LETM1: variants seen among roughly 807,000 people sequenced by gnomAD.
LETM1 encodes leucine zipper and EF-hand containing transmembrane protein 1, also known as mitochondrial proton/calcium exchanger protein.
A neutral mutation model predicts 74.5 loss-of-function variants in LETM1; 50 were observed. The observed-to-expected ratio is 0.67, with a 90% CI of 0.53 to 0.85. The LOEUF (loss-of-function observed/expected upper bound fraction) is 0.85. Among genes scored for constraint, LETM1 ranks in the 40% least tolerant of loss-of-function variants. The pLI is 0.00. For missense variants in LETM1, 824 were observed against 967.8 expected (o/e 0.85, Z 1.97); for synonymous variants, 446 against 407.1 (o/e 1.10, Z -1.15).
At position 1,832,863 on chromosome 4, in the gene LETM1, G is replaced by A; in HGVS notation, c.961C>T (p.Leu321=). ...LFEDELTLDN[L]TRPQLVALCK... ...AGGGCCACCAGCTGCGGCCGTGTCA[G>A]GTTGTCCAGGGTCAGCTCATCCTCA... The change falls in exon 6 of 14, where the codon CTG becomes TTG. Residue 321 remains leucine (L), a synonymous_variant. Coordinates refer to ENST00000302787, the MANE Select transcript of LETM1 (RefSeq NM_012318.3). The A allele has an allele frequency of 1.9e-6, 3 of 1,613,872 alleles. No homozygotes were observed. Among genetic ancestry groups the A allele is most frequent in the Non-Finnish European group, 1.7e-6 (2 of 1,180,028 alleles).
intron 13 of LETM1, among the ~76,000 whole-genome samples, chr4:1,815,423 G>A (rs557599046): frequency 1.3e-4 from 20 of 152,336 alleles, no homozygotes; most frequent in Admixed American, 3.9e-4. Context: ...CCAGGGACAT[G>A]CGTAGCCACT....
rs770965719 is a variant in LETM1 at position 1,841,761 on chromosome 4, A to G, written c.180T>C (p.Pro60=). 7 of 1,613,914 alleles carry G rather than the reference A, an allele frequency of 4.3e-6. No individual in the cohort carries two copies. The highest frequency in any genetic ancestry group is 5.9e-6 in the Non-Finnish European group (7 of 1,180,002). Residue 60 remains proline (P), a synonymous_variant, in exon 3 of 14, where the codon CCT becomes CCC. Coordinates refer to ENST00000302787, the MANE Select transcript of LETM1 (RefSeq NM_012318.3). ...VPFGCCTPIH[P]VYTSSRGDHL... ...GATCGCCTCTGGAGGATGTGTACAC[A>G]GGGTGGATGGGAGTGCAGCAGCCAA...
At chr4:1,833,206 G>T in intron 5 of LETM1, 1 of 474,808 alleles carries the variant, frequency 2.1e-6, no homozygotes, top group South Asian at 2.3e-5. Context: ...CGAGTAGCTG[G>T]GATTACAGGC....
At chr4:1,842,797 T>G (rs1469512888) in intron 2 of LETM1, among the ~76,000 whole-genome samples, 14 of 152,210 alleles carry the variant, frequency 9.2e-5, no homozygotes, top group Non-Finnish European at 1.5e-5. Flanking sequence ...GCATAGACCA[T>G]GCCTGGCCCA....
At chr4:1,844,601 C>A (rs1215337778) in intron 2 of LETM1, among the ~76,000 whole-genome samples, 2 of 152,042 alleles carry the variant, frequency 1.3e-5, no homozygotes, top group Non-Finnish European at 2.9e-5. Context: ...CGTGGTGGCA[C>A]ACACCTGTAA....
Position 1,855,869 on chromosome 4 carries a change from C to G in LETM1, c.82G>C (p.Gly28Arg), listed in dbSNP as rs1037067624. Reference protein sequence around the residue: ...PPPPRYTVPRGSPGDPAHLSC... With the variant: ...PPPPRYTVPRRSPGDPAHLSC... The stretch of plus-strand genomic sequence containing the variant: ...CCGCCCTGGGGTGCCCGCCGCTTAC[C>G]CCGCGGGACGGTGTACCGAGGCGGC... The change falls in exon 1 of 14, where the codon GGT becomes CGT. Residue 28 changes from glycine to arginine, a missense_variant and splice_region_variant. By Grantham distance (125) the Gly-to-Arg change is moderately radical. Coordinates refer to ENST00000302787, the MANE Select transcript of LETM1 (RefSeq NM_012318.3). 5.7e-6 allele frequency: 7 copies of G among 1,231,024 alleles called. No individual in the cohort carries two copies. In the African/African-American group the frequency reaches 1.1e-4, roughly 19 times the overall value. 76.3% of individuals were successfully genotyped at this position (1,231,024 alleles called of 1,614,324 possible). A position where few individuals can be genotyped will look rare whatever the true frequency, so the allele number is the denominator to read the frequency against.
chr4:1,836,531 G>T lies in LETM1; in HGVS notation c.636C>A (p.Phe212Leu), dbSNP rs754324475. Residue 212 changes from phenylalanine (F) to leucine (L), a missense_variant, in exon 4 of 14, where the codon TTC becomes TTA. By Grantham distance (22) the Phe-to-Leu change is conservative (BLOSUM62 0). Coordinates refer to ENST00000302787, the MANE Select transcript of LETM1 (RefSeq NM_012318.3). The surrounding 1 kb of genome is among the most constrained non-coding windows in gnomAD (Gnocchi z 5.8). ...TGAACGGCACCACCACGAACACAAG[G>T]AACGGCACCAGGCGGAAGAGGTCAG... The part of the protein sequence containing the change: ...ICADLFRLVP[F>L]LVFVVVPFME... 1 of 1,614,036 alleles carries T rather than the reference G, an allele frequency of 6.2e-7. No homozygotes were observed. The highest frequency in any genetic ancestry group is 8.5e-7 in the Non-Finnish European group (1 of 1,180,034).
chr4:1,819,592 C>T (rs1711700397), intron 10 of LETM1, 120 bp from the exon 11 acceptor site: 6 of 1,163,476 alleles, frequency 5.2e-6, no homozygotes, highest in Non-Finnish European at 7.2e-6. Flanking sequence ...TCTCACTGGA[C>T]AGTCATTGGT....
chr4:1,822,807 T>C, intron 9 of LETM1, 181 bp downstream of exon 9: 1 of 481,912 alleles, frequency 2.1e-6, no homozygotes, highest in East Asian at 3.5e-5. Flanking sequence ...AGTCCCCATG[T>C]CAGAGTTGCA....
chr4:1,847,354 A>G (rs2108855367), intron 2 of LETM1, among the ~76,000 whole-genome samples: 1 of 152,136 alleles, frequency 6.6e-6, no homozygotes, highest in East Asian at 1.9e-4. Flanking sequence ...CAAAAAAAAA[A>G]AAAAAAGTAA....
chr4:1,853,109 C>T (rs1713119944), intron 1 of LETM1, among the ~76,000 whole-genome samples: 1 of 152,170 alleles, frequency 6.6e-6, no homozygotes, highest in South Asian at 2.1e-4. Flanking sequence ...CAACTAGCGC[C>T]CCTCCTCATT....
At position 1,819,433 on chromosome 4, in the gene LETM1, C is replaced by T. The variant is rs888811138; in HGVS notation, c.1648G>A (p.Asp550Asn). 14 of 1,613,462 alleles carry T rather than the reference C, an allele frequency of 8.7e-6. No homozygotes were observed. Among genetic ancestry groups the T allele is most frequent in the African/African-American group, 5.3e-5 (4 of 74,866 alleles). Residue 550 changes from aspartate to asparagine, a missense_variant, in exon 11 of 14, where the codon GAT becomes AAT. Around this residue, in one of 4 missense-constraint regions of LETM1, gnomAD observed 161 missense variants for 252.7 expected, o/e 0.64. Transcript: ENST00000302787. ...TGCTCCTGCAGCTTAGAGCAGGCAT[C>T]GCTGAGGATGTCGATTTCCTCCTTC... is the stretch of plus-strand genomic sequence containing the variant. The part of the protein sequence containing the change: ...ITKEEIDILS[D>N]ACSKLQEQKK...
intron 1 of LETM1, among the ~76,000 whole-genome samples, chr4:1,849,842 C>T (rs1430579046): frequency 6.6e-6 from 1 of 152,204 alleles, no homozygotes; most frequent in Non-Finnish European, 1.5e-5. Flanking sequence ...GCCACCACTC[C>T]CAGCCTGAAA....
intron 5 of LETM1, 79 bp from the exon 6 acceptor site, chr4:1,833,026 G>A: frequency 9.3e-6 from 12 of 1,294,832 alleles, no homozygotes; most frequent in South Asian, 2.4e-5. Flanking sequence ...CATTCCCAAA[G>A]GGTGCTGCCT....
At chr4:1,847,602 C>G (rs1248429806) in intron 2 of LETM1, among the ~76,000 whole-genome samples, 2 of 151,658 alleles carry the variant, frequency 1.3e-5, no homozygotes, top group African/African-American at 4.9e-5. Flanking sequence ...GGTGGATCAT[C>G]TGAGGTCAGG....
At chr4:1,818,640 GA>G (rs553905658) in intron 11 of LETM1, among the ~76,000 whole-genome samples, 4 of 150,190 alleles carry the variant, frequency 2.7e-5, no homozygotes, top group East Asian at 2.0e-4. Flanking sequence ...AAGAAAGAAA[GA>G]AAAAAAATCG....
chr4:1,840,384 A>G (rs1712644426), intron 3 of LETM1, among the ~76,000 whole-genome samples: 1 of 151,246 alleles, frequency 6.6e-6, no homozygotes, highest in Admixed American at 6.6e-5. Flanking sequence ...CTCAAAAAAT[A>G]AGGTTGGGCG....
rs2108847655 is a variant in LETM1, at chr4:1,834,880, T to C, written c.841A>G (p.Ser281Gly). 1 of 1,614,206 alleles carries C rather than the reference T, an allele frequency of 6.2e-7. No individual in the cohort carries two copies. Among genetic ancestry groups the C allele is most frequent in the South Asian group, 1.1e-5 (1 of 91,084 alleles). Residue 281 changes from serine to glycine, a missense_variant, in exon 5 of 14, where the codon AGC becomes GGC. Transcript: ENST00000302787. The surrounding 1 kb of genome is among the most constrained non-coding windows in gnomAD (Gnocchi z 5.0). ...AACACAGAGAAGTCTTTGGTGGCGC[T>C]GCCCTTGGCTGCCTTGTTCTTCAAG... The part of the protein sequence containing the change: ...MALKNKAAKG[S>G]ATKDFSVFFQ...
chr4:1,819,408 T>A lies in LETM1; in HGVS notation c.1673A>T (p.Gln558Leu). ...LSDACSKLQE[Q>L]KKSLTKEKEE... ...CTTCTCCTTGGTGAGTGACTTCTTC[T>A]GCTCCTGCAGCTTAGAGCAGGCATC... is the stretch of plus-strand genomic sequence containing the variant. The change falls in exon 11 of 14, where the codon CAG becomes CTG. Residue 558 changes from glutamine to leucine, a missense_variant. This residue lies in a region of LETM1 where 161 missense variants were observed against 252.7 expected (regional missense o/e 0.64). Transcript: ENST00000302787. 6.2e-7 allele frequency: 1 copy of A among 1,614,054 alleles called. No homozygotes were observed. Among genetic ancestry groups the A allele is most frequent in the Non-Finnish European group, 8.5e-7 (1 of 1,179,968 alleles).
Sources: allele counts gnomAD v4.1 joint callset (sites outside exome capture counted in the v4.1 genomes callset), GRCh38; gene constraint gnomAD v4.1.1; regional missense constraint gnomAD v4.1.1; non-coding constraint Gnocchi (gnomAD v3.1); transcripts MANE v1.5; gene names NCBI Gene and HGNC (gene_info 2026-07-23, HGNC 2026-07-21).